Variants in ATP10A observed in about 807,000 individuals in gnomAD.
ATP10A encodes the protein ATPase phospholipid transporting 10A (putative).
Under a neutral mutation model 147.8 loss-of-function variants are expected in ATP10A, and 111 were observed. The observed-to-expected ratio is 0.75, with a 90% confidence interval of 0.64 to 0.88. The LOEUF (loss-of-function observed/expected upper bound fraction) is 0.88, where lower values mean the gene tolerates loss of function less well. Among genes scored for constraint, ATP10A ranks in the 40% least tolerant of loss-of-function variants. The probability of loss-of-function intolerance (pLI) is 0.00; values close to 1 mark genes in which losing one functional copy is unlikely to be tolerated. For missense variants in ATP10A, 1,927 were observed against 1,959.0 expected, an observed-to-expected ratio of 0.98 and a Z score of 0.31; for synonymous variants, 875 against 841.6, an observed-to-expected ratio of 1.04 and a Z score of -0.69.
intron 1 of ATP10A, among the ~76,000 whole-genome samples, chr15:25,791,717 CTCT>C (rs1197069660): frequency 6.6e-6 from 1 of 152,132 alleles, no homozygotes; most frequent in Non-Finnish European, 1.5e-5. Flanking sequence ...ATTCTTTCCT[CTCT>C]TCTTGACCAC....
At chr15:25,813,902 A>G (rs80175790) in intron 1 of ATP10A, among the ~76,000 whole-genome samples, 1 of 152,094 alleles carries the variant, frequency 6.6e-6, no homozygotes, top group Admixed American at 6.5e-5. Flanking sequence ...TCTATGGGAC[A>G]ACTTCTAGTA....
chr15:25,863,039 G>C lies in ATP10A; in HGVS notation c.58C>G (p.Arg20Gly). Residue 20 changes from arginine to glycine, a missense_variant, in exon 1 of 21, where the codon CGA becomes GGA. Transcript: ENST00000555815. Reference protein sequence around the residue: ...EPGPPGRRRRREGRTRTVRSN... With the variant: ...EPGPPGRRRRGEGRTRTVRSN... Reference sequence around the variant, plus strand: ...CGCACCGTGCGCGTCCTGCCCTCTCGGCGCCTCCGCCGTCCCGGAGGCCCG... The same window carrying C: ...CGCACCGTGCGCGTCCTGCCCTCTCCGCGCCTCCGCCGTCCCGGAGGCCCG... 1 of 1,273,086 alleles carries C rather than the reference G, an allele frequency of 7.9e-7. No individual in the cohort carries two copies. The highest frequency in any genetic ancestry group is 1.6e-5 in the African/African-American group (1 of 64,082). 78.9% of individuals were successfully genotyped at this position (1,273,086 alleles called of 1,614,324 possible).
intron 8 of ATP10A, among the ~76,000 whole-genome samples, chr15:25,717,742 C>T (rs1456722475): frequency 0.011 from 1 of 88 alleles, no homozygotes; most frequent in Non-Finnish European, 0.023. Context: ...GCTCACTTCT[C>T]GCCTCTCCGT....
At chr15:25,745,088 GGCT>G (rs1394593402) in intron 2 of ATP10A, among the ~76,000 whole-genome samples, 1 of 152,236 alleles carries the variant, frequency 6.6e-6, no homozygotes, top group African/African-American at 2.4e-5. Flanking sequence ...CACTTTGGGA[GGCT>G]GAGGCAGGCA....
At chr15:25,789,591 T>TGTGTGTGTGAGA (rs1555470190) in intron 1 of ATP10A, among the ~76,000 whole-genome samples, 2 of 151,252 alleles carry the variant, frequency 1.3e-5, no homozygotes, top group African/African-American at 2.4e-5. Context: ...TGTGTGTGTG[T>TGTGTGTGTGAGA]GACAGAGACA....
intron 1 of ATP10A, among the ~76,000 whole-genome samples, chr15:25,831,958 T>G (rs2140872083): frequency 6.6e-6 from 1 of 152,276 alleles, no homozygotes; most frequent in South Asian, 2.1e-4. Flanking sequence ...TCACTTTATT[T>G]GGAAATACGA....
intron 2 of ATP10A, among the ~76,000 whole-genome samples, chr15:25,778,294 C>T (rs1889724739): frequency 6.6e-6 from 1 of 152,174 alleles, no homozygotes; most frequent in South Asian, 2.1e-4. Context: ...CTGAGACAAG[C>T]TAACTCAGTA....
At chr15:25,714,379 T>C in intron 9 of ATP10A, 138 bp from the exon 10 acceptor site, 3 of 725,518 alleles carry the variant, frequency 4.1e-6, no homozygotes, top group Non-Finnish European at 4.5e-6. Context: ...GAGCACAGAT[T>C]TCCCATTTCC....
chr15:25,714,043 C>T lies in ATP10A; in HGVS notation c.1975G>A (p.Gly659Ser). ...CTGGCGATGGCCGAGGTGGGCTGGC[C>T]CAGCCTCTCCTCCAGCCTGAGAAGC... ...GMLLRLEERL[G>S]QPTSAIASNG... Residue 659 changes from glycine to serine, a missense_variant, in exon 10 of 21, where the codon GGC (glycine) becomes AGC (serine). Physicochemically the swap from Gly to Ser is moderately conservative, Grantham distance 56. Coordinates refer to ENST00000555815, the MANE Select transcript of ATP10A (RefSeq NM_024490.4). 1 of 1,612,054 alleles carries T rather than the reference C, an allele frequency of 6.2e-7. No homozygotes were observed. The highest frequency in any genetic ancestry group is 8.5e-7 in the Non-Finnish European group (1 of 1,179,964).
Position 25,814,729 on chromosome 15 carries a change from A to AC in ATP10A, c.450-33507dup, listed in dbSNP as rs529211459. 4.0e-3 allele frequency among the ~76,000 whole-genome samples: 613 copies of AC among 152,306 alleles called. 9 individuals carry two copies. Among genetic ancestry groups the AC allele is most frequent in the African/African-American group, 0.013 (545 of 41,572 alleles). On this transcript the variant is annotated intron_variant, in intron 1 of 20. Transcript: ENST00000555815. ...AGCCTTCTTTAAGTTAACTTAAGCT[A>AC]CCGTGCATTGCCCTTGGAACCGTTC...
At position 25,721,694 on chromosome 15, in the gene ATP10A, G is replaced by A. The variant is rs1902241572; in HGVS notation, c.1326C>T (p.Cys442=). 2 of 1,614,098 alleles carry A rather than the reference G, an allele frequency of 1.2e-6. No homozygotes were observed. Among genetic ancestry groups the A allele is most frequent in the Admixed American group, 1.7e-5 (1 of 60,022 alleles). ...GAGAATATTCTACACCAGACACAGT[G>A]CATCTTCGGAAAACCATCTTATTCT... is the stretch of plus-strand genomic sequence containing the variant. The part of the protein sequence containing the change: ...LTENKMVFRR[C]TVSGVEYSHD... Residue 442 remains cysteine, a synonymous_variant, in exon 7 of 21, where the codon TGC becomes TGT. Coordinates refer to ENST00000555815, the MANE Select transcript of ATP10A (RefSeq NM_024490.4).
chr15:25,674,017 G>A (rs550236464), downstream of ATP10A, among the ~76,000 whole-genome samples: 2 of 152,220 alleles, frequency 1.3e-5, no homozygotes, highest in African/African-American at 2.4e-5. Flanking sequence ...AGACAAGGAG[G>A]TTGCGTGTCC....
chr15:25,749,060 CAA>C (rs1171259548), intron 2 of ATP10A, among the ~76,000 whole-genome samples: 1,535 of 67,442 alleles, frequency 0.023, 7 homozygotes, highest in African/African-American at 0.034. Context: ...GAGACTCTGT[CAA>C]AAAAAAAAAA....
chr15:25,677,990 T>G (rs1899173314), downstream of ATP10A: 1 of 151,948 alleles, frequency 6.6e-6, no homozygotes, highest in African/African-American at 2.4e-5. Flanking sequence ...GTCCTGGGGG[T>G]GACTCCAGCC....
intron 16 of ATP10A, among the ~76,000 whole-genome samples, chr15:25,684,948 C>A (rs1193079200): frequency 6.6e-6 from 1 of 152,204 alleles, no homozygotes; most frequent in Non-Finnish European, 1.5e-5. Context: ...CCTTTCCCTA[C>A]ATGCTGAAAA....
At chr15:25,738,448 C>T (rs1277680824) in intron 2 of ATP10A, 1 of 152,250 alleles carries the variant, frequency 6.6e-6, no homozygotes, top group African/African-American at 2.4e-5. Flanking sequence ...ACTGTACACT[C>T]ACAAATGATT....
chr15:25,860,211 A>G (rs1171076534), intron 1 of ATP10A, among the ~76,000 whole-genome samples: 1 of 150,884 alleles, frequency 6.6e-6, no homozygotes, highest in East Asian at 2.0e-4. Flanking sequence ...GACCCTGTCC[A>G]CCCCCCGCCC....
Position 25,724,004 on chromosome 15 carries a change from A to G in ATP10A, c.997T>C (p.Trp333Arg). 3 of 1,604,526 alleles carry G rather than the reference A, an allele frequency of 1.9e-6. No individual in the cohort carries two copies. Among genetic ancestry groups the G allele is most frequent in the Non-Finnish European group, 2.5e-6 (3 of 1,176,476 alleles). The change falls in exon 6 of 21, where the codon TGG becomes CGG. Residue 333 changes from tryptophan to arginine, a missense_variant. Coordinates refer to ENST00000555815, the MANE Select transcript of ATP10A (RefSeq NM_024490.4). ...AATGACTTCTTCTCTTGATACCGCC[A>G]TATCCACAGTCCATGTCCTGTAGTA... Reference protein sequence around the residue: ...FSAVGHGLWIWRYQEKKSLFY... With the variant: ...FSAVGHGLWIRRYQEKKSLFY...
At chr15:25,791,676 C>T (rs926707483) in intron 1 of ATP10A, among the ~76,000 whole-genome samples, 5 of 152,140 alleles carry the variant, frequency 3.3e-5, no homozygotes, top group Non-Finnish European at 1.5e-5. Context: ...TGTGAGCCAC[C>T]GTGCCTGGCC....
Sources: gnomAD v4.1 joint callset for allele counts (sites outside exome capture counted in the v4.1 genomes callset) on GRCh38, gnomAD v4.1.1 for gene constraint, MANE v1.5 for transcripts, NCBI Gene and HGNC (gene_info 2026-07-23, HGNC 2026-07-21) for gene names.